SPTY2D1: variants seen among roughly 807,000 people sequenced by gnomAD.
SPTY2D1 encodes the protein SPT2 chromatin protein domain containing 1.
SPTY2D1 carries 21 observed loss-of-function variants against 64.0 expected under a neutral mutation model. The observed-to-expected ratio is 0.33, with a 90% confidence interval of 0.23 to 0.47. SPTY2D1 has a LOEUF of 0.47. SPTY2D1 is among the 20% of genes least tolerant of loss of function. The pLI is 1.00. For missense variants in SPTY2D1, 724 were observed against 837.2 expected (o/e 0.86, Z 1.67); for synonymous variants, 287 against 286.8 (o/e 1.00, Z -0.01).
intron 1 of SPTY2D1, among the ~76,000 whole-genome samples, chr11:18,621,441 C>A (rs1854403267): frequency 6.6e-6 from 1 of 152,060 alleles, no homozygotes; most frequent in South Asian, 2.1e-4. Context: ...TGTTCAGGAA[C>A]TCAGATTTGC....
Position 18,616,053 on chromosome 11 carries a change from A to G in SPTY2D1, c.221T>C (p.Ile74Thr). 1.9e-6 allele frequency: 3 copies of G among 1,612,520 alleles called. No individual in the cohort carries two copies. The highest frequency in any genetic ancestry group is 2.5e-6 in the Non-Finnish European group (3 of 1,179,326). ...RRKEELVKKR[I>T]ELKHDKKARA... Reference sequence around the variant, plus strand: ...TGCTTTCTTGTCATGTTTGAGCTCAATTCGCTTTTTCACTAGTTCCTCTTT... The same window carrying G: ...TGCTTTCTTGTCATGTTTGAGCTCAGTTCGCTTTTTCACTAGTTCCTCTTT... Residue 74 changes from isoleucine to threonine, a missense_variant, in exon 3 of 6, where the codon ATT becomes ACT. Physicochemically the swap from Ile to Thr is moderately conservative, Grantham distance 89. Around this residue, in one of 3 missense-constraint regions of SPTY2D1, gnomAD observed 179 missense variants for 232.5 expected, o/e 0.77. Transcript: ENST00000336349.
intron 2 of SPTY2D1, 112 bp downstream of exon 2, chr11:18,616,763 C>CACACA: frequency 1.2e-6 from 1 of 817,464 alleles, no homozygotes; most frequent in Non-Finnish European, 1.9e-6. Context: ...ACACACACAC[C>CACACA]CTCCCAAATC....
chr11:18,616,869 A>G lies in SPTY2D1; in HGVS notation c.175+6T>C. The G allele has an allele frequency of 6.2e-7, 1 of 1,613,192 alleles. No individual in the cohort carries two copies. Among genetic ancestry groups the G allele is most frequent in the South Asian group, 1.1e-5 (1 of 91,040 alleles). On this transcript the variant is annotated splice_donor_region_variant and intron_variant, in intron 2 of 5. Coordinates refer to ENST00000336349, the MANE Select transcript of SPTY2D1 (RefSeq NM_194285.3). The stretch of plus-strand genomic sequence containing the variant: ...TAAAATTGAGAATAAGGCTATAGAT[A>G]CATACCTTTTCGTCTCAGCTCCTCT...
chr11:18,622,780 A>G (rs1854435274), intron 1 of SPTY2D1, among the ~76,000 whole-genome samples: 1 of 151,882 alleles, frequency 6.6e-6, no homozygotes, highest in Non-Finnish European at 1.5e-5. Flanking sequence ...GATGAAATCC[A>G]TCTCTACTAA....
chr11:18,626,358 G>C (rs886792785), intron 1 of SPTY2D1, among the ~76,000 whole-genome samples: 1 of 151,866 alleles, frequency 6.6e-6, no homozygotes, highest in African/African-American at 2.4e-5. Flanking sequence ...TTTTGGTTCA[G>C]CCTTTACATT....
intron 1 of SPTY2D1, among the ~76,000 whole-genome samples, chr11:18,622,534 A>C (rs1237550409): frequency 6.6e-6 from 1 of 151,904 alleles, no homozygotes; most frequent in African/African-American, 2.4e-5. Context: ...CTCAAAAATA[A>C]AATCTTTGAG....
rs777608024 is a variant in SPTY2D1 at position 18,634,178 on chromosome 11, A to C, written c.60+20T>G. 117 of 1,613,944 alleles carry C rather than the reference A, an allele frequency of 7.2e-5. No individual in the cohort carries two copies. The highest frequency in any genetic ancestry group is 9.5e-5 in the Non-Finnish European group (112 of 1,179,926). ...TGGAAGACTAGGGTCCCCTACATTG[A>C]TGCCCCAGCTGCTACTTACCGGCAC... is the stretch of plus-strand genomic sequence containing the variant. On this transcript the variant is annotated intron_variant, in intron 1 of 5. Transcript: ENST00000336349.
At chr11:18,630,418 T>C (rs1590407018) in intron 1 of SPTY2D1, among the ~76,000 whole-genome samples, 1 of 152,140 alleles carries the variant, frequency 6.6e-6, no homozygotes, top group African/African-American at 2.4e-5. Context: ...GAGGCTGCAG[T>C]GAGCAGAGAT....
Position 18,621,374 on chromosome 11 carries a change from A to C in SPTY2D1, c.61-4385T>G, listed in dbSNP as rs78818893. Among the ~76,000 whole-genome samples the C allele has an allele frequency of 8.8e-4, 126 of 142,906 alleles. No homozygotes were observed. The East Asian group carries it at 0.026, about 29-fold the overall frequency. The allele number at this position is 142,906 out of a possible 152,430, so 93.8% of individuals were successfully genotyped here. On this transcript the variant is annotated intron_variant, in intron 1 of 5. Transcript: ENST00000336349. ...AGAAAAGAAAAGAAAAGAAAAGAAA[A>C]GAAACACTGACTTAGGGAACAAAAA... is the stretch of plus-strand genomic sequence containing the variant.
In SPTY2D1 at chr11:18,612,487, AC is replaced by A; in HGVS notation, c.1712del (p.Gly571ValfsTer86). 1.3e-6 allele frequency: 2 copies of A among 1,581,052 alleles called. No individual in the cohort carries two copies. Among genetic ancestry groups the A allele is most frequent in the Non-Finnish European group, 1.7e-6 (2 of 1,168,864 alleles). On this transcript the variant is annotated frameshift_variant and splice_region_variant, in exon 4 of 6. Transcript: ENST00000336349. LOFTEE classifies it high-confidence loss of function. This position sits in a 1 kb window ranked among gnomAD's most constrained non-coding sequence, Gnocchi z 4.6. ...PPLSGYRAAQGPQRLPFPTGY... is the reference protein window; with the variant it reads ...PPLSGYRAAQXPQRLPFPTGY... ...CAGTAGGGAAGGGAAGCCTTTGAGG[AC>A]CTAAGAAACCATTATTTATAAGAAT... is the stretch of plus-strand genomic sequence containing the variant.
intron 1 of SPTY2D1, 99 bp downstream of exon 1, chr11:18,634,099 C>A: frequency 1.5e-6 from 2 of 1,365,982 alleles, no homozygotes; most frequent in Non-Finnish European, 2.1e-6. Flanking sequence ...TTTCCTCTCC[C>A]GGAGCCGATA....
chr11:18,616,974 C>T lies in SPTY2D1; in HGVS notation c.76G>A (p.Ala26Thr), dbSNP rs759085778. 6.2e-7 allele frequency: 1 copy of T among 1,614,036 alleles called. No individual in the cohort carries two copies. The highest frequency in any genetic ancestry group is 8.5e-7 in the Non-Finnish European group (1 of 1,179,980). Residue 26 changes from alanine to threonine, a missense_variant, in exon 2 of 6, where the codon GCA becomes ACA. By Grantham distance (58) the Ala-to-Thr change is moderately conservative (BLOSUM62 0). This residue lies in a region of SPTY2D1 where 179 missense variants were observed against 232.5 expected (regional missense o/e 0.77). Coordinates refer to ENST00000336349, the MANE Select transcript of SPTY2D1 (RefSeq NM_194285.3). ...GGGTCTTTTTTTGGAGGCCCCACTG[C>T]CAAACTATACCTTTTCTAAAAACAA... ...VNNVPKRYSLAVGPPKKDPKV... is the reference protein window; with the variant it reads ...VNNVPKRYSLTVGPPKKDPKV...
Position 18,612,446 on chromosome 11 carries a change from C to A in SPTY2D1, c.1754G>T (p.Arg585Leu), listed in dbSNP as rs368321001. ...LPFPTGYKRQREYEEEDDDDD... is the reference protein window; with the variant it reads ...LPFPTGYKRQLEYEEEDDDDD... ...ATCGTCATCTTCCTCTTCATATTCT[C>A]GCTGCCTTTTGTAACCAGTAGGGAA... The change falls in exon 4 of 6, where the codon CGA becomes CTA. Residue 585 changes from arginine to leucine, a missense_variant. By Grantham distance (102) the Arg-to-Leu change is moderately radical. Transcript: ENST00000336349. This position sits in a 1 kb window ranked among gnomAD's most constrained non-coding sequence, Gnocchi z 4.6. 1.2e-6 allele frequency: 2 copies of A among 1,608,380 alleles called. No homozygotes were observed. Among genetic ancestry groups the A allele is most frequent in the Admixed American group, 3.4e-5 (2 of 59,456 alleles).
chr11:18,618,302 C>A (rs1428629726), intron 1 of SPTY2D1, among the ~76,000 whole-genome samples: 1 of 152,170 alleles, frequency 6.6e-6, no homozygotes, highest in Non-Finnish European at 1.5e-5. Context: ...TGCCTCACAA[C>A]CTCCTTTTTA....
Position 18,616,050 on chromosome 11 carries a change from T to C in SPTY2D1, c.224A>G (p.Glu75Gly), listed in dbSNP as rs1184451876. ...TCTTGCTTTCTTGTCATGTTTGAGC[T>C]CAATTCGCTTTTTCACTAGTTCCTC... ...RKEELVKKRI[E>G]LKHDKKARAM... The change falls in exon 3 of 6, where the codon GAG becomes GGG. Residue 75 changes from glutamate (E) to glycine (G), a missense_variant. Glu to Gly is a moderately conservative substitution (Grantham distance 98). Coordinates refer to ENST00000336349, the MANE Select transcript of SPTY2D1 (RefSeq NM_194285.3). 1 of 1,612,530 alleles carries C rather than the reference T, an allele frequency of 6.2e-7. No individual in the cohort carries two copies. Among genetic ancestry groups the C allele is most frequent in the East Asian group, 2.2e-5 (1 of 44,888 alleles).
chr11:18,610,444 C>T (rs1261374571), intron 5 of SPTY2D1, among the ~76,000 whole-genome samples: 1 of 151,894 alleles, frequency 6.6e-6, no homozygotes, highest in African/African-American at 2.4e-5. Flanking sequence ...GGCGGATCAC[C>T]TGAGGTCAGG....
rs1334746429 is a variant in SPTY2D1 at position 18,607,804 on chromosome 11, A to G, written c.*2057T>C. On this transcript the variant is annotated 3_prime_UTR_variant, in exon 6 of 6. Transcript: ENST00000336349. ...AGAAATGCACTCAGAAGTAACAGAC[A>G]CACAAGGTTAAAACCTGATTCTTCC... The G allele has an allele frequency of 6.6e-6, 1 of 152,198 alleles. No individual in the cohort carries two copies. Among genetic ancestry groups the G allele is most frequent in the Non-Finnish European group, 1.5e-5 (1 of 68,030 alleles). 9.4% of individuals were successfully genotyped at this position (152,198 alleles called of 1,614,324 possible).
At position 18,615,124 on chromosome 11, in the gene SPTY2D1, T is replaced by G. The variant is rs767028265; in HGVS notation, c.1150A>C (p.Thr384Pro). The change falls in exon 3 of 6, where the codon ACA (threonine) becomes CCA (proline). Residue 384 changes from threonine (T) to proline (P), a missense_variant. Thr to Pro is a conservative substitution (Grantham distance 38). This residue lies in a region of SPTY2D1 where 426 missense variants were observed against 431.8 expected (regional missense o/e 0.99). Transcript: ENST00000336349. ...SSSSAPGQPS[T>P]GVARPTVSSG... Reference sequence around the variant, plus strand: ...CTAACTGTGGGTCGAGCAACCCCTGTGCTGGGCTGCCCAGGGGCTGAGCTA... The same window carrying G: ...CTAACTGTGGGTCGAGCAACCCCTGGGCTGGGCTGCCCAGGGGCTGAGCTA... 2.5e-6 allele frequency: 4 copies of G among 1,614,194 alleles called. No individual in the cohort carries two copies. The highest frequency in any genetic ancestry group is 3.4e-6 in the Non-Finnish European group (4 of 1,180,032).
At position 18,611,595 on chromosome 11, in the gene SPTY2D1, A is replaced by G. The variant is rs371143751; in HGVS notation, c.1887-41T>C. The G allele has an allele frequency of 3.9e-6, 6 of 1,537,974 alleles. No individual in the cohort carries two copies. In the African/African-American group the frequency reaches 6.9e-5, roughly 18 times the overall value. On this transcript the variant is annotated intron_variant, in intron 4 of 5. Coordinates refer to ENST00000336349, the MANE Select transcript of SPTY2D1 (RefSeq NM_194285.3). The stretch of plus-strand genomic sequence containing the variant: ...CAAAATGATAAAAAGAGAAAACTTC[A>G]ATTTTCTAAAGGAACTACGTCCTCT...
Sources: gnomAD v4.1 joint callset for allele counts (sites outside exome capture counted in the v4.1 genomes callset) on GRCh38, gnomAD v4.1.1 for gene constraint, gnomAD v4.1.1 regional missense constraint, Gnocchi (gnomAD v3.1) non-coding constraint, MANE v1.5 for transcripts, NCBI Gene and HGNC (gene_info 2026-07-23, HGNC 2026-07-21) for gene names.